The following RNF19B variants were observed in gnomAD, a reference collection of about 807,000 sequenced individuals.
RNF19B encodes the protein ring finger protein 19B.
Under a neutral mutation model 65.5 loss-of-function variants are expected in RNF19B, and 23 were observed. That is an observed-to-expected ratio of 0.35 (90% CI 0.25 to 0.50). RNF19B has a LOEUF of 0.50. Among genes scored for constraint, RNF19B ranks in the 20% least tolerant of loss-of-function variants. RNF19B has a pLI of 0.98. For missense variants in RNF19B, 794 were observed against 980.0 expected (o/e 0.81, Z 2.53); for synonymous variants, 372 against 379.6 (o/e 0.98, Z 0.23).
intron 7 of RNF19B, among the ~76,000 whole-genome samples, chr1:32,941,517 G>A (rs1202589580): frequency 6.6e-6 from 1 of 151,988 alleles, no homozygotes; most frequent in Non-Finnish European, 1.5e-5. Context: ...TCCAGCCTGG[G>A]CGACAGAGCA....
intron 5 of RNF19B, 119 bp downstream of exon 5, chr1:32,945,395 T>C: frequency 1.7e-6 from 1 of 604,362 alleles, no homozygotes; most frequent in Non-Finnish European, 3.0e-6. Flanking sequence ...CCTAACAGAA[T>C]TTACTATCAA....
rs151157398 is a variant in RNF19B at position 32,946,492 on chromosome 1, C to T, written c.1056G>A (p.Thr352=). 9.3e-4 allele frequency: 1,497 copies of T among 1,614,056 alleles called. No homozygotes were observed. Among genetic ancestry groups the T allele is most frequent in the Admixed American group, 1.4e-3 (83 of 60,014 alleles). The change falls in exon 4 of 9, where the codon ACG becomes ACA. Residue 352 remains threonine, a synonymous_variant. Transcript: ENST00000235150. ...RKKKILWQLG[T]LIGAPVGISL... is the part of the protein sequence containing the mutation. The stretch of plus-strand genomic sequence containing the variant: ...AAATCCCCACTGGAGCACCAATCAA[C>T]GTGCCCAGCTGCCAAAGAATTTTCT...
chr1:32,961,449 T>C (rs567791510), intron 1 of RNF19B, among the ~76,000 whole-genome samples: 2 of 152,244 alleles, frequency 1.3e-5, no homozygotes, highest in African/African-American at 4.8e-5. Context: ...ACTAGTTATA[T>C]GACCCTGAAC....
At chr1:32,946,380 GA>G in intron 4 of RNF19B, 21 bp downstream of exon 4, 1 of 1,609,660 alleles carries the variant, frequency 6.2e-7, no homozygotes, top group Non-Finnish European at 8.5e-7. Flanking sequence ...AACAAGCACA[GA>G]AACCAGCATG....
intron 4 of RNF19B, among the ~76,000 whole-genome samples, 159 bp downstream of exon 4, chr1:32,946,243 G>C (rs1382537211): frequency 9.9e-5 from 15 of 152,084 alleles, no homozygotes; most frequent in Admixed American, 9.8e-4. Context: ...GATCTCATGG[G>C]GGTTTATGAA....
intron 7 of RNF19B, among the ~76,000 whole-genome samples, chr1:32,941,878 A>C (rs1001044641): frequency 6.6e-6 from 1 of 152,134 alleles, no homozygotes; most frequent in Non-Finnish European, 1.5e-5. Context: ...CGGGCGGATC[A>C]CGAGGTCAGG....
intron 1 of RNF19B, among the ~76,000 whole-genome samples, chr1:32,954,884 G>A (rs115974312): frequency 0.013 from 1,945 of 151,964 alleles, 42 homozygotes; most frequent in African/African-American, 0.044. Flanking sequence ...TAAAAACATC[G>A]TACACTCTGT....
rs1468686201 is a variant in RNF19B, at chr1:32,943,930, G to C, written c.1402+89C>G. On this transcript the variant is annotated intron_variant, in intron 6 of 8. Coordinates refer to ENST00000235150, the MANE Select transcript of RNF19B (RefSeq NM_001300826.2). Reference sequence around the variant, plus strand: ...AGCTCATTATCCAAAGTAATCCAATGACAATCTCCCTGTAAAATGCGCTGA... The same window carrying C: ...AGCTCATTATCCAAAGTAATCCAATCACAATCTCCCTGTAAAATGCGCTGA... The C allele has an allele frequency of 6.1e-6, 8 of 1,305,874 alleles. No homozygotes were observed. In the East Asian group the frequency reaches 1.2e-4, roughly 19 times the overall value. 80.9% of individuals were successfully genotyped at this position (1,305,874 alleles called of 1,614,324 possible). A position where few individuals can be genotyped will look rare whatever the true frequency, so the allele number is the denominator to read the frequency against.
the RNF19B span, among the ~76,000 whole-genome samples, chr1:32,929,208 CCA>C: frequency 2.0e-5 from 3 of 152,158 alleles, no homozygotes; most frequent in Non-Finnish European, 4.4e-5. Context: ...CTGCATCACC[CCA>C]GTCTCTGCCT....
chr1:32,958,303 T>C (rs1448242187), intron 1 of RNF19B, among the ~76,000 whole-genome samples: 1 of 152,238 alleles, frequency 6.6e-6, no homozygotes, highest in East Asian at 1.9e-4. Context: ...TTGTTTTATT[T>C]TGTTTAACTC....
intron 1 of RNF19B, among the ~76,000 whole-genome samples, chr1:32,956,692 TCA>T: frequency 6.6e-6 from 1 of 152,246 alleles, no homozygotes; most frequent in Admixed American, 6.5e-5. Context: ...TTCAGAAACT[TCA>T]TAAAGTGACA....
chr1:32,929,446 C>T, the RNF19B span, among the ~76,000 whole-genome samples: 2 of 152,282 alleles, frequency 1.3e-5, no homozygotes, highest in African/African-American at 4.8e-5. Flanking sequence ...ACCCATAACA[C>T]CATGGAAGCC....
At chr1:32,951,943 C>G (rs551653328) in intron 1 of RNF19B, among the ~76,000 whole-genome samples, 1 of 150,442 alleles carries the variant, frequency 6.6e-6, no homozygotes. Context: ...TACAGGCGCC[C>G]GCCACCACGC....
intron 5 of RNF19B, among the ~76,000 whole-genome samples, chr1:32,944,882 G>A (rs1297794890): frequency 6.6e-6 from 1 of 152,008 alleles, no homozygotes; most frequent in Non-Finnish European, 1.5e-5. Flanking sequence ...TAGAGATGGG[G>A]TTTCACCGTG....
chr1:32,950,004 C>T (rs531979743), intron 1 of RNF19B, among the ~76,000 whole-genome samples: 1 of 152,110 alleles, frequency 6.6e-6, no homozygotes, highest in South Asian at 2.1e-4. Context: ...GCTCTGTCAC[C>T]CAGGCTGGAT....
Position 32,964,707 on chromosome 1 carries a change from CA to C in RNF19B, c.-23del. The stretch of plus-strand genomic sequence containing the variant: ...CCATGGCCGGCAGAGGCCGAGGAGC[CA>C]GGGGCGCCCAGCGCCGCCACAGCTC... On this transcript the variant is annotated 5_prime_UTR_variant, in exon 1 of 9. Coordinates refer to ENST00000235150, the MANE Select transcript of RNF19B (RefSeq NM_001300826.2). The surrounding 1 kb of genome is among the most constrained non-coding windows in gnomAD (Gnocchi z 6.5). 7.1e-7 allele frequency: 1 copy of C among 1,416,924 alleles called. No homozygotes were observed. The highest frequency in any genetic ancestry group is 9.2e-7 in the Non-Finnish European group (1 of 1,090,492). 87.8% of individuals were successfully genotyped at this position (1,416,924 alleles called of 1,614,324 possible).
Position 32,944,020 on chromosome 1 carries a change from T to C in RNF19B, c.1401A>G (p.Thr467=). ...IEFDEDDGPI[T]VADAWRALKN... ...GGAAATAAACATCCTGCTTTTTACC[T>C]GTGATTGGACCATCATCTTCATCAA... Residue 467 remains threonine, a splice_region_variant and synonymous_variant, in exon 6 of 9, where the codon ACA becomes ACG. Coordinates refer to ENST00000235150, the MANE Select transcript of RNF19B (RefSeq NM_001300826.2). 2 of 1,601,620 alleles carry C rather than the reference T, an allele frequency of 1.2e-6. No homozygotes were observed. The highest frequency in any genetic ancestry group is 1.3e-5 in the African/African-American group (1 of 74,768).
chr1:32,952,396 C>T (rs1252480639), intron 1 of RNF19B, among the ~76,000 whole-genome samples: 2 of 137,980 alleles, frequency 1.4e-5, no homozygotes, highest in Non-Finnish European at 3.0e-5. Flanking sequence ...CATTTTTAGA[C>T]CAGCCTGGGC....
In RNF19B at chr1:32,964,757, C is replaced by A; in HGVS notation, c.-72G>T. On this transcript the variant is annotated 5_prime_UTR_variant, in exon 1 of 9. Transcript: ENST00000235150. This position sits in a 1 kb window ranked among gnomAD's most constrained non-coding sequence, Gnocchi z 6.5. ...TCCCGCCTCAGCGCCCCTCAGCCAG[C>A]GCCCGGCCGCCGCCGACGCCGCCAC... 7.9e-7 allele frequency: 1 copy of A among 1,272,862 alleles called. No individual in the cohort carries two copies. Among genetic ancestry groups the A allele is most frequent in the East Asian group, 3.4e-5 (1 of 29,064 alleles). 78.8% of individuals were successfully genotyped at this position (1,272,862 alleles called of 1,614,324 possible).
Sources: gnomAD v4.1 joint callset for allele counts (sites outside exome capture counted in the v4.1 genomes callset) on GRCh38, gnomAD v4.1.1 for gene constraint, Gnocchi (gnomAD v3.1) non-coding constraint, MANE v1.5 for transcripts, NCBI Gene and HGNC (gene_info 2026-07-23, HGNC 2026-07-21) for gene names.